Variants in DYNC2I2 observed in about 807,000 individuals in gnomAD.
DYNC2I2 encodes cytoplasmic dynein 2 intermediate chain 2.
A neutral mutation model predicts 52.0 loss-of-function variants in DYNC2I2; 39 were observed. That is an observed-to-expected ratio of 0.75 (90% confidence interval 0.58 to 0.98). DYNC2I2 has a LOEUF of 0.98. Ranked by LOEUF, DYNC2I2 falls within the 50% of genes least tolerant of loss-of-function variation. The pLI is 0.00. For missense variants in DYNC2I2, 743 were observed against 728.4 expected (o/e 1.02, Z -0.23); for synonymous variants, 359 against 321.1 (o/e 1.12, Z -1.26).
the DYNC2I2 span, among the ~76,000 whole-genome samples, chr9:128,672,163 G>T: frequency 2.7e-5 from 4 of 150,412 alleles, no homozygotes; most frequent in Non-Finnish European, 5.9e-5. Flanking sequence ...TTAGTAGACG[G>T]GGTTTCACCG....
the DYNC2I2 span, among the ~76,000 whole-genome samples, chr9:128,668,348 G>A: frequency 2.7e-5 from 4 of 150,622 alleles, no homozygotes; most frequent in African/African-American, 7.3e-5. Flanking sequence ...TGGCCACAAC[G>A]CCCAGCTAAT....
the DYNC2I2 span, among the ~76,000 whole-genome samples, chr9:128,678,448 A>ATTTTTTTTTTTTTT: frequency 1.6e-5 from 1 of 61,378 alleles, no homozygotes; most frequent in East Asian, 6.3e-4. Flanking sequence ...ACCACAGGTA[A>ATTTTTTTTTTTTTT]TTTTTTTTTT....
At chr9:128,644,087 G>C (rs1301731302) in intron 1 of DYNC2I2, among the ~76,000 whole-genome samples, 1 of 152,182 alleles carries the variant, frequency 6.6e-6, no homozygotes, top group Non-Finnish European at 1.5e-5. Flanking sequence ...TCTGATGACA[G>C]TGCCAGTTGG....
At position 128,637,020 on chromosome 9, in the gene DYNC2I2, C is replaced by T; in HGVS notation, c.443G>A (p.Cys148Tyr). The change falls in exon 3 of 9, where the codon TGT (cysteine) becomes TAT (tyrosine). Residue 148 changes from cysteine to tyrosine, a missense_variant. Transcript: ENST00000372715. Reference sequence around the variant, plus strand: ...TGGCGGGTAGCCCAGGGTATACAGACAAGACACCTGCGGAGACGTCCCCAA... The same window carrying T: ...TGGCGGGTAGCCCAGGGTATACAGATAAGACACCTGCGGAGACGTCCCCAA... The part of the protein sequence containing the change: ...NWTEQQQMVS[C>Y]LYTLGYPPAQ... 6.2e-7 allele frequency: 1 copy of T among 1,613,094 alleles called. No homozygotes were observed. Among genetic ancestry groups the T allele is most frequent in the Non-Finnish European group, 8.5e-7 (1 of 1,179,826 alleles).
chr9:128,651,711 T>C (rs1589436270), intron 1 of DYNC2I2: 1 of 135,594 alleles, frequency 7.4e-6, no homozygotes, highest in Non-Finnish European at 1.6e-5. Context: ...TCAGGAGTTT[T>C]GAGACCAGCC....
In DYNC2I2 at chr9:128,640,937, T is replaced by C; in HGVS notation, c.189A>G (p.Lys63=). ...TGGCAATGCTGGCCGTCTGGCAACT[T>C]TTCTGGGGGGAGGGTGAAAACAAGT... ...RAVQGIRWET[K]SCQTASIATA... is the part of the protein sequence containing the mutation. Residue 63 remains lysine (K), a splice_region_variant and synonymous_variant, in exon 2 of 9, where the codon AAA becomes AAG. Transcript: ENST00000372715. The C allele has an allele frequency of 6.3e-7, 1 of 1,583,850 alleles. No homozygotes were observed. Among genetic ancestry groups the C allele is most frequent in the Non-Finnish European group, 8.6e-7 (1 of 1,162,360 alleles).
At chr9:128,681,797 G>A in the DYNC2I2 span, among the ~76,000 whole-genome samples, 258 of 152,242 alleles carry the variant, frequency 1.7e-3, no homozygotes, top group Middle Eastern at 6.8e-3. Flanking sequence ...TTCTAGGTTG[G>A]GTGCGGTGGC....
At chr9:128,667,204 A>T in the DYNC2I2 span, among the ~76,000 whole-genome samples, 107 of 152,150 alleles carry the variant, frequency 7.0e-4, no homozygotes, top group African/African-American at 2.4e-3. Flanking sequence ...ATCTCAAAAA[A>T]AATAATAATA....
chr9:128,674,967 G>A, the DYNC2I2 span, among the ~76,000 whole-genome samples: 1 of 152,030 alleles, frequency 6.6e-6, no homozygotes, highest in Non-Finnish European at 1.5e-5. Context: ...AACTCTACCG[G>A]GAGATTCCTG....
intron 1 of DYNC2I2, among the ~76,000 whole-genome samples, chr9:128,654,638 G>T (rs1043309911): frequency 6.6e-5 from 10 of 152,230 alleles, no homozygotes; most frequent in African/African-American, 2.4e-4. Flanking sequence ...GCTCACTGCA[G>T]CCTCCAACTC....
At chr9:128,652,674 C>T (rs1193122009) in intron 1 of DYNC2I2, among the ~76,000 whole-genome samples, 1 of 149,196 alleles carries the variant, frequency 6.7e-6, no homozygotes, top group Non-Finnish European at 1.5e-5. Context: ...AATCCCAGCA[C>T]TTTGGGAGGC....
intron 4 of DYNC2I2, 129 bp downstream of exon 4, chr9:128,636,152 G>A: frequency 7.2e-7 from 1 of 1,393,150 alleles, no homozygotes; most frequent in South Asian, 1.2e-5. Context: ...CTGGGCTCCA[G>A]ACTGAGAGGG....
chr9:128,633,701 A>C lies in DYNC2I2; in HGVS notation c.*43T>G. 1.8e-5 allele frequency: 29 copies of C among 1,571,504 alleles called. No homozygotes were observed. Among genetic ancestry groups the C allele is most frequent in the Non-Finnish European group, 2.5e-5 (29 of 1,156,596 alleles). On this transcript the variant is annotated 3_prime_UTR_variant, in exon 9 of 9. Transcript: ENST00000372715. ...TCATTTGGCTTGCGTCAGAAACACA[A>C]GGCTCGGCACAGCGAAGGCTTGCAC...
intron 2 of DYNC2I2, among the ~76,000 whole-genome samples, chr9:128,639,815 A>G (rs1860477961): frequency 6.7e-6 from 1 of 149,748 alleles, no homozygotes; most frequent in Non-Finnish European, 1.5e-5. Context: ...ACAGGCGTGC[A>G]CCACCACGCC....
intron 1 of DYNC2I2, among the ~76,000 whole-genome samples, chr9:128,646,996 G>A (rs1250527582): frequency 6.6e-6 from 1 of 151,866 alleles, no homozygotes; most frequent in Non-Finnish European, 1.5e-5. Context: ...GTGGTGGAGC[G>A]TGCCTGTAAT....
the DYNC2I2 span, among the ~76,000 whole-genome samples, chr9:128,675,557 G>A: frequency 6.6e-6 from 1 of 152,160 alleles, no homozygotes; most frequent in Non-Finnish European, 1.5e-5. Flanking sequence ...AGATGGATGG[G>A]AGGATTCAAA....
At chr9:128,673,919 C>G in the DYNC2I2 span, among the ~76,000 whole-genome samples, 1 of 151,034 alleles carries the variant, frequency 6.6e-6, no homozygotes, top group Admixed American at 6.7e-5. Flanking sequence ...AGCAATTCTC[C>G]TGCCTCACCC....
chr9:128,667,736 A>ATT, the DYNC2I2 span, among the ~76,000 whole-genome samples: 4 of 130,614 alleles, frequency 3.1e-5, no homozygotes, highest in African/African-American at 2.8e-5. Flanking sequence ...CGCCCAGCTA[A>ATT]TTTTTTTTTT....
upstream of DYNC2I2, among the ~76,000 whole-genome samples, chr9:128,658,506 G>T (rs545234461): frequency 2.7e-5 from 4 of 150,204 alleles, no homozygotes; most frequent in South Asian, 8.4e-4. Context: ...TTGTCGTCCA[G>T]GCTGGCGTGC....
Sources: gnomAD v4.1 joint callset for allele counts (sites outside exome capture counted in the v4.1 genomes callset) on GRCh38, gnomAD v4.1.1 for gene constraint, MANE v1.5 for transcripts, NCBI Gene and HGNC (gene_info 2026-07-23, HGNC 2026-07-21) for gene names.